The following CACNA2D3 variants were observed in gnomAD, a reference collection of about 807,000 sequenced individuals.
CACNA2D3 encodes calcium voltage-gated channel auxiliary subunit alpha2delta 3, also known as voltage-dependent calcium channel subunit alpha-2/delta-3.
In CACNA2D3, 60 loss-of-function variants were observed where a neutral mutation model predicts 160.6. The ratio of observed to expected loss-of-function variants is 0.37; its 90% CI spans 0.30 to 0.46. The LOEUF (loss-of-function observed/expected upper bound fraction) is 0.46, where lower values mean the gene tolerates loss of function less well. CACNA2D3 is among the 20% of genes least tolerant of loss of function. The pLI is 1.00. For synonymous variants in CACNA2D3, 558 were observed against 492.9 expected (o/e 1.13, Z -1.75); for missense variants, 1,205 against 1,365.0 (o/e 0.88, Z 1.85).
chr3:54,472,315 A>G (rs1700748191), intron 4 of CACNA2D3, among the ~76,000 whole-genome samples: 2 of 152,262 alleles, frequency 1.3e-5, no homozygotes, highest in Non-Finnish European at 2.9e-5. Context: ...TATCTCATAG[A>G]TGCAGAAAAG....
At chr3:54,530,023 G>A (rs1278123894) in intron 5 of CACNA2D3, among the ~76,000 whole-genome samples, 1 of 152,186 alleles carries the variant, frequency 6.6e-6, no homozygotes, top group Non-Finnish European at 1.5e-5. Context: ...AGTATTGGGT[G>A]AGGTCCTGGA....
chr3:55,073,591 C>T (rs543284643), intron 36 of CACNA2D3, 34 bp downstream of exon 36: 76 of 1,534,668 alleles, frequency 5.0e-5, no homozygotes, highest in South Asian at 1.9e-4. Context: ...CTCACTACCA[C>T]GGAAACCAGT....
Position 54,299,224 on chromosome 3 carries a change from A to C in CACNA2D3, c.205-21218A>C, listed in dbSNP as rs573759285. Among the ~76,000 whole-genome samples, 36 of 149,886 alleles carry C rather than the reference A, an allele frequency of 2.4e-4. No homozygotes were observed. The East Asian group carries it at 6.5e-3, about 27-fold the overall frequency. ...GTGGTTCCATTATTAAAAAAAAAAA[A>C]CCAGTGCTTTATAGCCTAACTGAAA... On this transcript the variant is annotated intron_variant, in intron 2 of 37. Transcript: ENST00000474759.
At chr3:54,315,132 G>A (rs904746452) in intron 2 of CACNA2D3, among the ~76,000 whole-genome samples, 1 of 152,192 alleles carries the variant, frequency 6.6e-6, no homozygotes, top group Non-Finnish European at 1.5e-5. Context: ...GGTCTTTCTT[G>A]GTACTTTAGG....
intron 2 of CACNA2D3, among the ~76,000 whole-genome samples, chr3:54,213,064 C>T (rs188060885): frequency 2.6e-5 from 4 of 152,222 alleles, no homozygotes. Flanking sequence ...TCAGAATCTC[C>T]ACCATCAATT....
chr3:54,374,810 CT>C (rs1332040404), intron 3 of CACNA2D3, among the ~76,000 whole-genome samples: 1 of 152,200 alleles, frequency 6.6e-6, no homozygotes, highest in Non-Finnish European at 1.5e-5. Flanking sequence ...TCCTAAATAA[CT>C]TTCAGATGTT....
At chr3:54,216,524 G>A (rs575397847) in intron 2 of CACNA2D3, among the ~76,000 whole-genome samples, 10 of 152,194 alleles carry the variant, frequency 6.6e-5, no homozygotes, top group Non-Finnish European at 1.5e-4. Flanking sequence ...GAGCACCAAA[G>A]TGCGAGGCCT....
intron 14 of CACNA2D3, among the ~76,000 whole-genome samples, chr3:54,818,824 ACTTAC>A (rs1157369310): frequency 6.6e-6 from 1 of 152,200 alleles, no homozygotes; most frequent in Non-Finnish European, 1.5e-5. Context: ...AGAGAAAGGC[ACTTAC>A]CTTACAAAAT....
At chr3:54,208,351 G>A (rs1470513620) in intron 2 of CACNA2D3, among the ~76,000 whole-genome samples, 2 of 152,140 alleles carry the variant, frequency 1.3e-5, no homozygotes, top group Non-Finnish European at 2.9e-5. Context: ...CAAGTGATCT[G>A]TCTATCTCGG....
intron 34 of CACNA2D3, among the ~76,000 whole-genome samples, chr3:55,009,754 G>A (rs183942871): frequency 9.2e-5 from 14 of 152,314 alleles, no homozygotes; most frequent in African/African-American, 2.9e-4. Flanking sequence ...AAATAGAAGG[G>A]AGACAGACAC....
intron 21 of CACNA2D3, among the ~76,000 whole-genome samples, chr3:54,882,256 G>C (rs951883931): frequency 1.3e-5 from 2 of 152,174 alleles, no homozygotes; most frequent in Non-Finnish European, 2.9e-5. Flanking sequence ...GTGAGGTCAC[G>C]CTGAAGAAAC....
chr3:54,739,442 CA>C (rs1225022879), intron 11 of CACNA2D3, among the ~76,000 whole-genome samples: 56 of 113,358 alleles, frequency 4.9e-4, no homozygotes, highest in Admixed American at 1.2e-3. Flanking sequence ...AAAAAAAAAA[CA>C]AAAAAAAAAA....
intron 2 of CACNA2D3, among the ~76,000 whole-genome samples, chr3:54,152,394 T>TA (rs11369052): frequency 0.026 from 4,003 of 151,932 alleles, 250 homozygotes; most frequent in East Asian, 0.2. Flanking sequence ...GATGCTCACT[T>TA]AAAAAAAAAT....
Position 54,565,377 on chromosome 3 carries a change from C to T in CACNA2D3, c.676+2446C>T, listed in dbSNP as rs1364651576. ...ACTCCTGGCGTGAGAGGAAAGAGTC[C>T]TGGGAAGGAGAATTTTGGTAAGCAT... On this transcript the variant is annotated intron_variant, in intron 6 of 37. Coordinates refer to ENST00000474759, the MANE Select transcript of CACNA2D3 (RefSeq NM_018398.3). Among the ~76,000 whole-genome samples the T allele has an allele frequency of 2.0e-5, 3 of 152,066 alleles. No individual in the cohort carries two copies. The East Asian group carries it at 5.8e-4, about 29-fold the overall frequency.
intron 11 of CACNA2D3, among the ~76,000 whole-genome samples, chr3:54,709,083 C>T (rs1700907830): frequency 6.6e-6 from 1 of 151,322 alleles, no homozygotes; most frequent in East Asian, 1.9e-4. Context: ...AATGTCGGCT[C>T]ACTGCAACCT....
At chr3:54,521,467 G>A (rs1037740286) in intron 5 of CACNA2D3, among the ~76,000 whole-genome samples, 2 of 151,984 alleles carry the variant, frequency 1.3e-5, no homozygotes, top group Non-Finnish European at 1.5e-5. Context: ...GATATGATTT[G>A]CAAATATTTT....
At chr3:54,203,227 T>TGAAACG (rs1235177615) in intron 2 of CACNA2D3, among the ~76,000 whole-genome samples, 1 of 152,126 alleles carries the variant, frequency 6.6e-6, no homozygotes, top group African/African-American at 2.4e-5. Context: ...CAGAACAAAA[T>TGAAACG]GAAACGGGAA....
At chr3:54,355,387 A>G in intron 3 of CACNA2D3, among the ~76,000 whole-genome samples, 1 of 152,184 alleles carries the variant, frequency 6.6e-6, no homozygotes. Context: ...GCTAGAGTGG[A>G]AATAAAGGCC....
In CACNA2D3 at chr3:54,177,554, C is replaced by T. The variant is rs552457838; in HGVS notation, c.204+53960C>T. On this transcript the variant is annotated intron_variant, in intron 2 of 37. Coordinates refer to ENST00000474759, the MANE Select transcript of CACNA2D3 (RefSeq NM_018398.3). Reference sequence around the variant, plus strand: ...TGGCTTTGGTGAATTATCCTGCCCCCACACTTGCATCCTGCAGTTACAAAG... The same window carrying T: ...TGGCTTTGGTGAATTATCCTGCCCCTACACTTGCATCCTGCAGTTACAAAG... Among the ~76,000 whole-genome samples the T allele has an allele frequency of 2.0e-5, 3 of 152,204 alleles. No individual in the cohort carries two copies. In the South Asian group the frequency reaches 6.2e-4, roughly 31 times the overall value.
Sources: gnomAD v4.1 joint callset for allele counts (sites outside exome capture counted in the v4.1 genomes callset) on GRCh38, gnomAD v4.1.1 for gene constraint, MANE v1.5 for transcripts, NCBI Gene and HGNC (gene_info 2026-07-23, HGNC 2026-07-21) for gene names.